SLC5A10: variants seen among roughly 807,000 people sequenced by gnomAD.
The protein encoded by SLC5A10 is solute carrier family 5 member 10, also known as sodium/mannose cotransporter SLC5A10.
In SLC5A10, 55 loss-of-function variants were observed where a neutral mutation model predicts 68.9. The observed-to-expected ratio is 0.80, with a 90% CI of 0.64 to 1.00. The LOEUF (loss-of-function observed/expected upper bound fraction) is 1.00, where lower values mean the gene tolerates loss of function less well. Among genes scored for constraint, SLC5A10 ranks in the 50% least tolerant of loss-of-function variants. SLC5A10 has a pLI of 0.00. For synonymous variants in SLC5A10, 344 were observed against 344.8 expected (o/e 1.00, Z 0.02); for missense variants, 732 against 819.3 (o/e 0.89, Z 1.30).
intron 5 of SLC5A10, among the ~76,000 whole-genome samples, chr17:18,964,154 A>G (rs2042666804): frequency 2.6e-5 from 4 of 151,394 alleles, no homozygotes; most frequent in Non-Finnish European, 1.5e-5. Context: ...ACCCCCATGG[A>G]CTCGGAACGC....
At chr17:18,954,291 C>T (rs975129390) in intron 1 of SLC5A10, 1 of 152,204 alleles carries the variant, frequency 6.6e-6, no homozygotes. Context: ...ACAAGGCTGT[C>T]CTGGCTAGCA....
chr17:18,971,407 C>G lies in SLC5A10; in HGVS notation c.846+189C>G, dbSNP rs916823. On this transcript the variant is annotated intron_variant, in intron 8 of 14. Coordinates refer to ENST00000395645, the MANE Select transcript of SLC5A10 (RefSeq NM_001042450.4). This position sits in a 1 kb window ranked among gnomAD's most constrained non-coding sequence, Gnocchi z 5.5. ...GGGCTTGAGCCCTCCGTTTAGAATC[C>G]GATGAGGCCCACTGGCTACCGCCCG... 0.59 allele frequency: 953,622 copies of G among 1,613,130 alleles called. 283,880 individuals carry two copies. Among genetic ancestry groups the G allele is most frequent in the African/African-American group, 0.73 (54,986 of 74,956 alleles).
chr17:18,962,781 A>G (rs1448875117), intron 5 of SLC5A10, among the ~76,000 whole-genome samples: 1 of 152,158 alleles, frequency 6.6e-6, no homozygotes, highest in Non-Finnish European at 1.5e-5. Flanking sequence ...AGGAGGCCCC[A>G]GGTAGGTCTG....
Position 18,968,736 on chromosome 17 carries a change from G to C in SLC5A10, c.454-316G>C, listed in dbSNP as rs2042762545. The C allele has an allele frequency of 2.8e-6, 1 of 360,250 alleles. No homozygotes were observed. Among genetic ancestry groups the C allele is most frequent in the Non-Finnish European group, 5.1e-6 (1 of 197,234 alleles). The allele number at this position is 360,250 out of a possible 1,614,324, so 22.3% of individuals were successfully genotyped here. A position where few individuals can be genotyped will look rare whatever the true frequency, so the allele number is the denominator to read the frequency against. Reference sequence around the variant, plus strand: ...GGTGCCCCTGGGAACCGAGGGGACAGGGCTCTGCCTTTTATCCCCTCGGGA... The same window carrying C: ...GGTGCCCCTGGGAACCGAGGGGACACGGCTCTGCCTTTTATCCCCTCGGGA... On this transcript the variant is annotated intron_variant, in intron 5 of 14. Transcript: ENST00000395645. This position sits in a 1 kb window ranked among gnomAD's most constrained non-coding sequence, Gnocchi z 4.1.
rs145906142 is a variant in SLC5A10, at chr17:19,020,351, G to A, written c.1711G>A (p.Ala571Thr). 3.6e-4 allele frequency: 587 copies of A among 1,614,054 alleles called. 1 individual carries two copies. In the African/African-American group the frequency reaches 6.5e-3, roughly 18 times the overall value. ...TGATGGCCAAACACCCCAGAAACAC[G>A]CCTTCTGGGCCCGTGTCTGTGGCTT... ...AGDGQTPQKH[A>T]FWARVCGFNA... Residue 571 changes from alanine (A) to threonine (T), a missense_variant, in exon 15 of 15, where the codon GCC (alanine) becomes ACC (threonine). Physicochemically the swap from Ala to Thr is moderately conservative, Grantham distance 58. Transcript: ENST00000395645.
chr17:19,003,148 C>T lies in SLC5A10; in HGVS notation c.983-10262C>T, dbSNP rs564743804. On this transcript the variant is annotated intron_variant, in intron 9 of 14. Coordinates refer to ENST00000395645, the MANE Select transcript of SLC5A10 (RefSeq NM_001042450.4). This position sits in a 1 kb window ranked among gnomAD's most constrained non-coding sequence, Gnocchi z 4.5. The stretch of plus-strand genomic sequence containing the variant: ...CACCAGAGAGCTCATGGTGTGTGCG[C>T]GCCTTTACAGTGAATCAGAGCCACT... 5.3e-5 allele frequency among the ~76,000 whole-genome samples: 8 copies of T among 151,728 alleles called. No homozygotes were observed. Among genetic ancestry groups the T allele is most frequent in the Middle Eastern group, 3.4e-3 (1 of 294 alleles).
chr17:18,956,819 G>A (rs1407452383), intron 1 of SLC5A10, among the ~76,000 whole-genome samples: 1 of 152,076 alleles, frequency 6.6e-6, no homozygotes, highest in Non-Finnish European at 1.5e-5. Flanking sequence ...CTAAAGACAG[G>A]CTTGAAAAAT....
chr17:18,994,043 C>T (rs746497869), intron 9 of SLC5A10, among the ~76,000 whole-genome samples: 17 of 152,196 alleles, frequency 1.1e-4, no homozygotes, highest in Admixed American at 8.5e-4. Flanking sequence ...CACTACCCTC[C>T]GGGCCAGCTG....
chr17:18,986,523 C>CT (rs1188475053), intron 9 of SLC5A10, among the ~76,000 whole-genome samples: 2 of 152,218 alleles, frequency 1.3e-5, no homozygotes, highest in Non-Finnish European at 2.9e-5. Context: ...GGAGCCTCAT[C>CT]TGAATGACCT....
intron 5 of SLC5A10, among the ~76,000 whole-genome samples, chr17:18,966,029 C>T (rs1371213384): frequency 4.6e-5 from 7 of 152,188 alleles, no homozygotes; most frequent in Non-Finnish European, 1.0e-4. Flanking sequence ...GTGGCACACA[C>T]GCACATTTGT....
At chr17:19,007,270 C>T (rs2043914067) in intron 9 of SLC5A10, among the ~76,000 whole-genome samples, 1 of 149,576 alleles carries the variant, frequency 6.7e-6, no homozygotes, top group South Asian at 2.1e-4. Context: ...TTCCTGATGG[C>T]TAATGTCATT....
chr17:18,976,952 C>G lies in SLC5A10; in HGVS notation c.945C>G (p.Ile315Met). ...TCAAGATGCTCCCCATGGGCCTGAT[C>G]ATCATGCCGGGCATGATCAGCCGCG... The part of the protein sequence containing the change: ...SYLKMLPMGL[I>M]IMPGMISRAL... The change falls in exon 9 of 15, where the codon ATC (isoleucine) becomes ATG (methionine). Residue 315 changes from isoleucine to methionine, a missense_variant. By Grantham distance (10) the Ile-to-Met change is conservative (BLOSUM62 1). Coordinates refer to ENST00000395645, the MANE Select transcript of SLC5A10 (RefSeq NM_001042450.4). 2 of 1,613,362 alleles carry G rather than the reference C, an allele frequency of 1.2e-6. No individual in the cohort carries two copies. Among genetic ancestry groups the G allele is most frequent in the Non-Finnish European group, 1.7e-6 (2 of 1,179,822 alleles).
chr17:18,983,158 G>A (rs1353137392), intron 9 of SLC5A10, among the ~76,000 whole-genome samples: 2 of 152,238 alleles, frequency 1.3e-5, no homozygotes, highest in African/African-American at 2.4e-5. Flanking sequence ...CCTGCCCACT[G>A]TCTCCCAGTA....
At chr17:18,979,786 G>T in intron 9 of SLC5A10, 1 of 1,209,166 alleles carries the variant, frequency 8.3e-7, no homozygotes, top group Non-Finnish European at 1.2e-6. Flanking sequence ...AGTCAGGAGG[G>T]GAAGAAAGAG....
At position 18,960,669 on chromosome 17, in the gene SLC5A10, T is replaced by C; in HGVS notation, c.453+17T>C. On this transcript the variant is annotated intron_variant, in intron 5 of 14. Coordinates refer to ENST00000395645, the MANE Select transcript of SLC5A10 (RefSeq NM_001042450.4). ...AAGATATCGGTGAGCTGCCCCCGGCTCCCTGCTGGCATAGCCTGGAAACAT... is the reference window on the plus strand; with the variant it reads ...AAGATATCGGTGAGCTGCCCCCGGCCCCCTGCTGGCATAGCCTGGAAACAT... The C allele has an allele frequency of 2.5e-6, 4 of 1,610,980 alleles. No homozygotes were observed. Among genetic ancestry groups the C allele is most frequent in the Non-Finnish European group, 3.4e-6 (4 of 1,177,238 alleles).
chr17:18,978,859 G>A (rs1369284765), intron 9 of SLC5A10: 3 of 1,610,334 alleles, frequency 1.9e-6, no homozygotes, highest in Admixed American at 3.3e-5. Flanking sequence ...AGCTGCAACA[G>A]AGGGAGGGGG....
At chr17:19,008,351 A>T (rs1405813280) in intron 9 of SLC5A10, among the ~76,000 whole-genome samples, 1 of 152,126 alleles carries the variant, frequency 6.6e-6, no homozygotes, top group Admixed American at 6.5e-5. Flanking sequence ...CAAAAGTTTG[A>T]TAGTTTTTTT....
chr17:18,990,454 C>T (rs2043387628), intron 9 of SLC5A10, among the ~76,000 whole-genome samples: 1 of 152,180 alleles, frequency 6.6e-6, no homozygotes, highest in South Asian at 2.1e-4. Context: ...TCACGTGCCA[C>T]CCTGGAAAGG....
At chr17:19,011,312 TAGAC>T (rs1158528077) in intron 9 of SLC5A10, among the ~76,000 whole-genome samples, 3 of 152,142 alleles carry the variant, frequency 2.0e-5, no homozygotes, top group Admixed American at 2.0e-4. Flanking sequence ...GGGTGGGTGT[TAGAC>T]GGACAGTGGT....
Sources: gnomAD v4.1 joint callset for allele counts (sites outside exome capture counted in the v4.1 genomes callset) on GRCh38, gnomAD v4.1.1 for gene constraint, Gnocchi (gnomAD v3.1) non-coding constraint, MANE v1.5 for transcripts, NCBI Gene and HGNC (gene_info 2026-07-23, HGNC 2026-07-21) for gene names.